The following CHD2 variants were observed in gnomAD, a reference collection of about 807,000 sequenced individuals.
The protein encoded by CHD2 is chromodomain helicase DNA binding protein 2.
Under a neutral mutation model 243.9 loss-of-function variants are expected in CHD2, and 28 were observed. The ratio of observed to expected loss-of-function variants is 0.11; its 90% CI spans 0.09 to 0.16. The LOEUF is 0.16. Among genes scored for constraint, CHD2 ranks in the 10% least tolerant of loss-of-function variants. CHD2 has a pLI of 1.00. For synonymous variants in CHD2, 775 were observed against 779.0 expected, an observed-to-expected ratio of 0.99 and a Z score of 0.09; for missense variants, 1,386 against 2,209.8, an observed-to-expected ratio of 0.63 and a Z score of 7.47.
At chr15:92,960,876 G>A (rs192603755) in intron 16 of CHD2, among the ~76,000 whole-genome samples, 13 of 151,590 alleles carry the variant, frequency 8.6e-5, no homozygotes, top group Admixed American at 3.9e-4. Context: ...CACCATGCCC[G>A]GCTAATTTTT....
At chr15:92,969,484 G>A (rs573650498) in intron 17 of CHD2, among the ~76,000 whole-genome samples, 272 of 152,342 alleles carry the variant, frequency 1.8e-3, no homozygotes, top group Non-Finnish European at 2.5e-3. Flanking sequence ...GTCCGAGGCT[G>A]TTGAGTCTGA....
At chr15:92,916,658 A>AT (rs1442992105) in intron 2 of CHD2, among the ~76,000 whole-genome samples, 1 of 152,158 alleles carries the variant, frequency 6.6e-6, no homozygotes, top group Non-Finnish European at 1.5e-5. Context: ...CGTTCAAGCG[A>AT]TTCTCCTACC....
intron 20 of CHD2, 119 bp from the exon 21 acceptor site, chr15:92,978,115 T>G: frequency 8.8e-7 from 1 of 1,135,584 alleles, no homozygotes; most frequent in South Asian, 1.3e-5. Flanking sequence ...ATAAAGTTTG[T>G]CCATCATATC....
Position 92,939,729 on chromosome 15 carries a change from C to G in CHD2, c.692+11C>G. 2 of 1,611,204 alleles carry G rather than the reference C, an allele frequency of 1.2e-6. No homozygotes were observed. Among genetic ancestry groups the G allele is most frequent in the Non-Finnish European group, 1.7e-6 (2 of 1,179,326 alleles). ...GGCTAAAAACGTTAGGTAAGTTGTA[C>G]CCCAGAAGTGTTTCACTGGTGTGAT... On this transcript the variant is annotated intron_variant, in intron 7 of 38. Transcript: ENST00000394196.
chr15:92,928,133 G>T (rs563878649), intron 4 of CHD2, among the ~76,000 whole-genome samples: 1 of 152,278 alleles, frequency 6.6e-6, no homozygotes, highest in East Asian at 1.9e-4. Flanking sequence ...AGTGAGTTGG[G>T]TGTGGGTTTT....
chr15:92,976,285 T>C (rs904041295), intron 20 of CHD2, among the ~76,000 whole-genome samples: 1 of 152,210 alleles, frequency 6.6e-6, no homozygotes. Context: ...TCTGCAGTAT[T>C]TTAAAAATTC....
At position 92,924,405 on chromosome 15, in the gene CHD2, T is replaced by C; in HGVS notation, c.147T>C (p.His49=). 6.2e-7 allele frequency: 1 copy of C among 1,614,168 alleles called. No individual in the cohort carries two copies. Among genetic ancestry groups the C allele is most frequent in the Non-Finnish European group, 8.5e-7 (1 of 1,180,022 alleles). ...AGGGAAGTGATCCAGGAAGTGGACA[T>C]GGCAGCGAGTCGAACAGCAGCTCTG... is the stretch of plus-strand genomic sequence containing the variant. The part of the protein sequence containing the change: ...SEQGSDPGSG[H]GSESNSSSES... The change falls in exon 3 of 39, where the codon CAT becomes CAC. Residue 49 remains histidine, a synonymous_variant. Coordinates refer to ENST00000394196, the MANE Select transcript of CHD2 (RefSeq NM_001271.4).
intron 25 of CHD2, 75 bp from the exon 26 acceptor site, chr15:92,985,423 A>G: frequency 7.1e-7 from 1 of 1,407,760 alleles, no homozygotes; most frequent in Non-Finnish European, 9.5e-7. Context: ...AAGAATTAAG[A>G]TGGCCTTCTC....
chr15:92,955,042 A>G (rs1277316235), intron 14 of CHD2, among the ~76,000 whole-genome samples: 2 of 152,228 alleles, frequency 1.3e-5, no homozygotes, highest in Non-Finnish European at 2.9e-5. Context: ...TTGTTAATAT[A>G]TGTATTTTCC....
At chr15:92,901,089 C>G (rs1329731592) in intron 1 of CHD2, 78 bp from the exon 2 acceptor site, 6 of 666,932 alleles carry the variant, frequency 9.0e-6, no homozygotes, top group Non-Finnish European at 1.6e-5. Flanking sequence ...ATATCGTTAA[C>G]ATCGTCAGGA....
chr15:92,978,054 T>C (rs1292764768), intron 20 of CHD2, 180 bp from the exon 21 acceptor site: 5 of 679,662 alleles, frequency 7.4e-6, no homozygotes, highest in Non-Finnish European at 1.0e-5. Context: ...TGCCTCTTAA[T>C]CAAATGAAAA....
chr15:93,018,141 CCT>C (rs2054486687), intron 37 of CHD2, among the ~76,000 whole-genome samples: 1 of 152,150 alleles, frequency 6.6e-6, no homozygotes, highest in Non-Finnish European at 1.5e-5. Context: ...ACATTGACAC[CCT>C]GTTAGAAATC....
rs61447848 is a variant in CHD2 at position 92,965,565 on chromosome 15, CAAAAAAAAAAAAAA to C, written c.2001-1743_2001-1730del. ...GGCGACAGAGCCGAGACTCTTTCTC[CAAAAAAAAAAAAAA>C]AAAAAAAAAAAAAAAACCAACTCAG... On this transcript the variant is annotated intron_variant, in intron 16 of 38. Transcript: ENST00000394196. Among the ~76,000 whole-genome samples the C allele has an allele frequency of 1.9e-3, 207 of 111,014 alleles. 1 individual carries two copies. Among genetic ancestry groups the C allele is most frequent in the South Asian group, 7.3e-3 (25 of 3,406 alleles). The allele number at this position is 111,014 out of a possible 152,430, so 72.8% of individuals were successfully genotyped here.
chr15:92,931,924 G>A (rs890901471), intron 5 of CHD2, among the ~76,000 whole-genome samples: 24 of 149,510 alleles, frequency 1.6e-4, no homozygotes, highest in African/African-American at 5.2e-4. Context: ...GTACAGTGGC[G>A]CAATCTCGGC....
In CHD2 at chr15:92,942,964, C is replaced by T. The variant is rs1423903266; in HGVS notation, c.948C>T (p.Tyr316=). The change falls in exon 9 of 39, where the codon TAC becomes TAT. Residue 316 remains tyrosine, a synonymous_variant. Coordinates refer to ENST00000394196, the MANE Select transcript of CHD2 (RefSeq NM_001271.4). Reference sequence around the variant, plus strand: ...TCATCAAGTGGAAGGGTTGGTCTTACATCCACAGCACATGGGAGAGTGAAG... The same window carrying T: ...TCATCAAGTGGAAGGGTTGGTCTTATATCCACAGCACATGGGAGAGTGAAG... ...QYLIKWKGWS[Y]IHSTWESEES... The T allele has an allele frequency of 1.9e-6, 3 of 1,613,946 alleles. No homozygotes were observed. The highest frequency in any genetic ancestry group is 1.3e-5 in the African/African-American group (1 of 74,898).
intron 2 of CHD2, among the ~76,000 whole-genome samples, chr15:92,907,623 C>CTTA (rs1400515032): frequency 1.3e-5 from 2 of 152,126 alleles, no homozygotes; most frequent in Admixed American, 6.5e-5. Context: ...TGAAGAAGCA[C>CTTA]TTATGATTGG....
intron 34 of CHD2, among the ~76,000 whole-genome samples, chr15:93,008,113 T>TG (rs2054345007): frequency 6.6e-6 from 1 of 152,230 alleles, no homozygotes; most frequent in African/African-American, 2.4e-5. Context: ...GTGTTTCCTC[T>TG]GGGGCGGTCA....
chr15:93,004,718 G>A lies in CHD2; in HGVS notation c.4380G>A (p.Glu1460=). The change falls in exon 34 of 39, where the codon GAG becomes GAA. Residue 1460 remains glutamate, a synonymous_variant. Transcript: ENST00000394196. ...AACCTGTCCCCATTGGAGAGGATGAGGATGATGATCTGGACCAGGAGACAT... is the reference window on the plus strand; with the variant it reads ...AACCTGTCCCCATTGGAGAGGATGAAGATGATGATCTGGACCAGGAGACAT... ...GSEPVPIGED[E]DDDLDQETFS... The A allele has an allele frequency of 6.2e-7, 1 of 1,613,610 alleles. No individual in the cohort carries two copies. The highest frequency in any genetic ancestry group is 8.5e-7 in the Non-Finnish European group (1 of 1,179,678).
intron 17 of CHD2, among the ~76,000 whole-genome samples, chr15:92,969,421 A>T (rs1369675274): frequency 3.3e-5 from 5 of 151,892 alleles, no homozygotes; most frequent in Non-Finnish European, 7.4e-5. Context: ...TCCCCACCAA[A>T]CCTCACTTCT....
Sources: gnomAD v4.1 joint callset for allele counts (sites outside exome capture counted in the v4.1 genomes callset) on GRCh38, gnomAD v4.1.1 for gene constraint, MANE v1.5 for transcripts, NCBI Gene and HGNC (gene_info 2026-07-23, HGNC 2026-07-21) for gene names.